MAP4K1: variants seen among roughly 807,000 people sequenced by gnomAD.
The protein encoded by MAP4K1 is mitogen-activated protein kinase kinase kinase kinase 1.
Under a neutral mutation model 122.8 loss-of-function variants are expected in MAP4K1, and 35 were observed. The ratio of observed to expected loss-of-function variants is 0.29; its 90% CI spans 0.22 to 0.38. The LOEUF (loss-of-function observed/expected upper bound fraction) is 0.38, where lower values mean the gene tolerates loss of function less well. Ranked by LOEUF, MAP4K1 falls within the 10% of genes least tolerant of loss-of-function variation. The probability of loss-of-function intolerance (pLI) is 1.00; values close to 1 mark genes in which losing one functional copy is unlikely to be tolerated. For synonymous variants in MAP4K1, 412 were observed against 421.3 expected (o/e 0.98, Z 0.27); for missense variants, 791 against 1,072.6 (o/e 0.74, Z 3.67).
chr19:38,600,134 C>G lies in MAP4K1; in HGVS notation c.1551G>C (p.Gly517=). ...PSTKDQHLLL[G]AEEGIFILNR... is the part of the protein sequence containing the mutation. Reference sequence around the variant, plus strand: ...TCAGGATGAAGATGCCTTCCTCTGCCCCCAGGAGCAGGTGCTGGTCTGGAG... The same window carrying G: ...TCAGGATGAAGATGCCTTCCTCTGCGCCCAGGAGCAGGTGCTGGTCTGGAG... The change falls in exon 21 of 31, where the codon GGG becomes GGC. Residue 517 remains glycine, a synonymous_variant. Transcript: ENST00000396857. The G allele has an allele frequency of 2.5e-6, 4 of 1,614,146 alleles. No homozygotes were observed. The highest frequency in any genetic ancestry group is 1.1e-5 in the South Asian group (1 of 91,078).
intron 30 of MAP4K1, among the ~76,000 whole-genome samples, chr19:38,592,229 G>A (rs989341200): frequency 6.6e-6 from 1 of 152,060 alleles, no homozygotes; most frequent in African/African-American, 2.4e-5. Flanking sequence ...AGCTGTGTGT[G>A]TAACACTGCA....
At chr19:38,609,389 C>A (rs1975427354) in intron 13 of MAP4K1, among the ~76,000 whole-genome samples, 1 of 152,140 alleles carries the variant, frequency 6.6e-6, no homozygotes, top group African/African-American at 2.4e-5. Flanking sequence ...CCCACCTTGG[C>A]CTCCCAAAGT....
At chr19:38,607,821 G>A in intron 16 of MAP4K1, 43 bp downstream of exon 16, 12 of 1,600,108 alleles carry the variant, frequency 7.5e-6, no homozygotes, top group Non-Finnish European at 1.0e-5. Context: ...GAAGGTGGGG[G>A]CTGAGGTGGG....
chr19:38,595,949 C>A lies in MAP4K1; in HGVS notation c.2169G>T (p.Val723=), dbSNP rs1201025368. Residue 723 remains valine, a synonymous_variant, in exon 27 of 31, where the codon GTG becomes GTT. Transcript: ENST00000396857. ...VTQVEEDMVM[V]LMDGSVKLVT... The stretch of plus-strand genomic sequence containing the variant: ...AAGGAGGGTTCTCACCATCCATCAA[C>A]ACCATCACCATATCTTCCTCTACCT... 5 of 1,614,038 alleles carry A rather than the reference C, an allele frequency of 3.1e-6. No homozygotes were observed. Among genetic ancestry groups the A allele is most frequent in the Non-Finnish European group, 4.2e-6 (5 of 1,179,970 alleles).
chr19:38,595,704 C>T lies in MAP4K1; in HGVS notation c.2205G>A (p.Glu735=). The T allele has an allele frequency of 6.2e-7, 1 of 1,607,322 alleles. No individual in the cohort carries two copies. The highest frequency in any genetic ancestry group is 8.5e-7 in the Non-Finnish European group (1 of 1,177,490). The change falls in exon 28 of 31, where the codon GAG becomes GAA. Residue 735 remains glutamate (E), a synonymous_variant. Coordinates refer to ENST00000396857, the MANE Select transcript of MAP4K1 (RefSeq NM_001042600.3). ...MDGSVKLVTP[E]GSPVRGLRTP... ...TGCGAAGTCCCCGGACTGGGGACCC[C>T]TCCGGGGTCACCAGCTTCACAGAGC...
chr19:38,599,304 C>G (rs1170111853), intron 22 of MAP4K1, among the ~76,000 whole-genome samples: 2 of 144,666 alleles, frequency 1.4e-5, no homozygotes. Flanking sequence ...GCCAAGATCA[C>G]GCCCCTGCAC....
chr19:38,603,283 TATA>T (rs1975207165), intron 19 of MAP4K1, among the ~76,000 whole-genome samples: 1 of 145,466 alleles, frequency 6.9e-6, no homozygotes, highest in Non-Finnish European at 1.5e-5. Flanking sequence ...TACACATACA[TATA>T]CACACACACA....
chr19:38,589,645 C>T (rs1033453369), intron 30 of MAP4K1, among the ~76,000 whole-genome samples: 4 of 152,074 alleles, frequency 2.6e-5, no homozygotes, highest in African/African-American at 7.2e-5. Flanking sequence ...AAACTCCCGA[C>T]CTCAGGTGAT....
intron 3 of MAP4K1, among the ~76,000 whole-genome samples, chr19:38,616,518 C>A (rs892020991): frequency 3.3e-5 from 5 of 152,124 alleles, no homozygotes; most frequent in Non-Finnish European, 7.3e-5. Context: ...GACCCCACTG[C>A]CGTCCCACGC....
intron 29 of MAP4K1, 56 bp from the exon 30 acceptor site, chr19:38,593,393 G>A (rs963679035): frequency 2.8e-5 from 41 of 1,483,944 alleles, no homozygotes; most frequent in Middle Eastern, 1.7e-4. Flanking sequence ...CTGTCACTAC[G>A]AACATGGCTC....
In MAP4K1 at chr19:38,605,661, C is replaced by T. The variant is rs1266263571; in HGVS notation, c.1270G>A (p.Val424Met). ...MGDDGQLSPGVLVRCASGPPP... is the reference protein window; with the variant it reads ...MGDDGQLSPGMLVRCASGPPP... ...GGCCCACTGGCACACCGGACCAGCACCCCCGGGCTCAGCTGCCCATCATCC... is the reference window on the plus strand; with the variant it reads ...GGCCCACTGGCACACCGGACCAGCATCCCCGGGCTCAGCTGCCCATCATCC... Residue 424 changes from valine (V) to methionine (M), a missense_variant, in exon 18 of 31, where the codon GTG becomes ATG. Val to Met is a conservative substitution (Grantham distance 21). This residue lies in a region of MAP4K1 where 303 missense variants were observed against 344.8 expected (regional missense o/e 0.88). Coordinates refer to ENST00000396857, the MANE Select transcript of MAP4K1 (RefSeq NM_001042600.3). The T allele has an allele frequency of 3.1e-6, 5 of 1,604,860 alleles. No individual in the cohort carries two copies. The East Asian group carries it at 6.7e-5, about 22-fold the overall frequency.
chr19:38,609,722 T>C (rs1325249057), intron 12 of MAP4K1, 48 bp from the exon 13 acceptor site: 1 of 1,544,564 alleles, frequency 6.5e-7, no homozygotes, highest in Non-Finnish European at 8.8e-7. Flanking sequence ...CCAAGCAGCC[T>C]CCTACCCTGC....
chr19:38,592,684 G>A lies in MAP4K1; in HGVS notation c.2396+598C>T, dbSNP rs186814280. ...TATAATCCCAGCACTTTGGGAGGCC[G>A]AGGCAGGTGGATCACCGAGGTCAGG... is the stretch of plus-strand genomic sequence containing the variant. On this transcript the variant is annotated intron_variant, in intron 30 of 30. Transcript: ENST00000396857. Among the ~76,000 whole-genome samples, 403 of 151,988 alleles carry A rather than the reference G, an allele frequency of 2.7e-3. 1 individual carries two copies. The highest frequency in any genetic ancestry group is 9.2e-3 in the African/African-American group (380 of 41,442).
intron 29 of MAP4K1, among the ~76,000 whole-genome samples, chr19:38,593,647 A>C (rs1252352187): frequency 1.3e-5 from 2 of 152,242 alleles, no homozygotes; most frequent in Non-Finnish European, 2.9e-5. Context: ...AATTGCATTG[A>C]GCTGAGATTG....
chr19:38,597,416 G>C lies in MAP4K1; in HGVS notation c.1779-32C>G. 6.2e-7 allele frequency: 1 copy of C among 1,613,528 alleles called. No individual in the cohort carries two copies. The highest frequency in any genetic ancestry group is 1.1e-5 in the South Asian group (1 of 91,070). ...AATAGGTAGGTGTGAAGGGGGGTAG[G>C]ACAGCAGGAGGCAGAGGGGCATGGG... On this transcript the variant is annotated intron_variant, in intron 23 of 30. Coordinates refer to ENST00000396857, the MANE Select transcript of MAP4K1 (RefSeq NM_001042600.3). The surrounding 1 kb of genome is among the most constrained non-coding windows in gnomAD (Gnocchi z 4.6).
At chr19:38,613,083 A>G (rs753426986) in intron 8 of MAP4K1, among the ~76,000 whole-genome samples, 2 of 152,016 alleles carry the variant, frequency 1.3e-5, no homozygotes, top group African/African-American at 4.8e-5. Context: ...CAAGGCGGAC[A>G]GATCACCTGA....
rs756062080 is a variant in MAP4K1, at chr19:38,597,461, GGT to G, written c.1778+23_1778+24del. 1 of 1,613,150 alleles carries G rather than the reference GGT, an allele frequency of 6.2e-7. No individual in the cohort carries two copies. Among genetic ancestry groups the G allele is most frequent in the South Asian group, 1.1e-5 (1 of 91,058 alleles). On this transcript the variant is annotated intron_variant, in intron 23 of 30. Transcript: ENST00000396857. This position sits in a 1 kb window ranked among gnomAD's most constrained non-coding sequence, Gnocchi z 4.6. The stretch of plus-strand genomic sequence containing the variant: ...CATGGGAGGAATTATAAGGCTGTGT[GGT>G]GCCATTCATTGGGAGCTGGTACCTT...
At position 38,603,965 on chromosome 19, in the gene MAP4K1, C is replaced by G. The variant is rs532858719; in HGVS notation, c.1446+1444G>C. 1.4e-3 allele frequency among the ~76,000 whole-genome samples: 206 copies of G among 147,046 alleles called. 1 individual carries two copies. The highest frequency in any genetic ancestry group is 5.0e-3 in the African/African-American group (199 of 39,740). ...CACCACTGCACTCCAGCCTGGGCGACAGAGTGAGACTCCATCTCAGAAAAA... is the reference window on the plus strand; with the variant it reads ...CACCACTGCACTCCAGCCTGGGCGAGAGAGTGAGACTCCATCTCAGAAAAA... On this transcript the variant is annotated intron_variant, in intron 19 of 30. Transcript: ENST00000396857.
Position 38,605,421 on chromosome 19 carries a change from C to G in MAP4K1, c.1434G>C (p.Lys478Asn), listed in dbSNP as rs1172289324. 1.3e-6 allele frequency: 2 copies of G among 1,562,628 alleles called. No homozygotes were observed. Among genetic ancestry groups the G allele is most frequent in the Non-Finnish European group, 1.7e-6 (2 of 1,151,054 alleles). ...AGCTGAACCTCACCTTTCTCTTCATCTTTTCCTTCTTGGGGGGCAGAAGTG... is the reference window on the plus strand; with the variant it reads ...AGCTGAACCTCACCTTTCTCTTCATGTTTTCCTTCTTGGGGGGCAGAAGTG... ...KPPLLPPKKE[K>N]MKRKGCALLV... Residue 478 changes from lysine to asparagine, a missense_variant, in exon 19 of 31, where the codon AAG (lysine) becomes AAC (asparagine). By Grantham distance (94) the Lys-to-Asn change is moderately conservative (BLOSUM62 0). Around this residue, in one of 4 missense-constraint regions of MAP4K1, gnomAD observed 303 missense variants for 344.8 expected, o/e 0.88. Coordinates refer to ENST00000396857, the MANE Select transcript of MAP4K1 (RefSeq NM_001042600.3).
Sources: allele counts gnomAD v4.1 joint callset (sites outside exome capture counted in the v4.1 genomes callset), GRCh38; gene constraint gnomAD v4.1.1; regional missense constraint gnomAD v4.1.1; non-coding constraint Gnocchi (gnomAD v3.1); transcripts MANE v1.5; gene names NCBI Gene and HGNC (gene_info 2026-07-23, HGNC 2026-07-21).